Variants in ALDH9A1 observed in about 807,000 individuals in gnomAD.
The protein encoded by ALDH9A1 is aldehyde dehydrogenase 9 family member A1.
In ALDH9A1, 42 loss-of-function variants were observed where a neutral mutation model predicts 56.6. That is an observed-to-expected ratio of 0.74 (90% CI 0.58 to 0.96). The LOEUF (loss-of-function observed/expected upper bound fraction) is 0.96, where lower values mean the gene tolerates loss of function less well. Ranked by LOEUF, ALDH9A1 falls within the 40% of genes least tolerant of loss-of-function variation. ALDH9A1 has a pLI of 0.00. For synonymous variants in ALDH9A1, 242 were observed against 236.0 expected (o/e 1.03, Z -0.23); for missense variants, 661 against 651.5 (o/e 1.01, Z -0.16).
chr1:165,667,208 T>G, intron 9 of ALDH9A1, 101 bp downstream of exon 9: 1 of 1,477,790 alleles, frequency 6.8e-7, no homozygotes, highest in Non-Finnish European at 9.1e-7. Flanking sequence ...ATGGCTCCTA[T>G]GAGGGCAAAC....
At chr1:165,697,396 T>C (rs1479174511) in intron 1 of ALDH9A1, among the ~76,000 whole-genome samples, 1 of 152,258 alleles carries the variant, frequency 6.6e-6, no homozygotes, top group Admixed American at 6.5e-5. Flanking sequence ...AGATTGACCG[T>C]GGTAACCATT....
intron 6 of ALDH9A1, among the ~76,000 whole-genome samples, chr1:165,678,875 G>A (rs1649453686): frequency 6.6e-6 from 1 of 152,136 alleles, no homozygotes; most frequent in South Asian, 2.1e-4. Context: ...TCAACGTCCT[G>A]AAAGACAAGA....
At chr1:165,684,220 C>T (rs1024293309) in intron 2 of ALDH9A1, among the ~76,000 whole-genome samples, 2 of 152,168 alleles carry the variant, frequency 1.3e-5, no homozygotes, top group Admixed American at 6.5e-5. Context: ...ATTCTACATT[C>T]ATTACTAGGG....
Position 165,663,893 on chromosome 1 carries a change from T to C in ALDH9A1, c.1463-749A>G, listed in dbSNP as rs117040842. Among the ~76,000 whole-genome samples, 61 of 152,370 alleles carry C rather than the reference T, an allele frequency of 4.0e-4. 1 individual carries two copies. The East Asian group carries it at 0.011, about 28-fold the overall frequency. On this transcript the variant is annotated intron_variant, in intron 10 of 10. Transcript: ENST00000354775. The stretch of plus-strand genomic sequence containing the variant: ...CTGGTCAGGCCTGTTAGGCCAGGTG[T>C]TGCTCTGCACGTCTGGCCATCTTTC...
intron 5 of ALDH9A1, among the ~76,000 whole-genome samples, 180 bp downstream of exon 5, chr1:165,680,307 C>T (rs764126814): frequency 7.2e-5 from 11 of 152,182 alleles, no homozygotes; most frequent in Non-Finnish European, 1.3e-4. Context: ...ATGTGTACTC[C>T]CTTTCCCCCT....
chr1:165,669,493 A>C lies in ALDH9A1; in HGVS notation c.931-43T>G, dbSNP rs1356518728. On this transcript the variant is annotated intron_variant, in intron 6 of 10. Transcript: ENST00000354775. ...GACATCAATTTCTATGTGTGTAAGGAGAAAAAAGGGAAAAGGAAAAATGAA... is the reference window on the plus strand; with the variant it reads ...GACATCAATTTCTATGTGTGTAAGGCGAAAAAAGGGAAAAGGAAAAATGAA... 4.0e-6 allele frequency: 6 copies of C among 1,501,730 alleles called. No individual in the cohort carries two copies. In the African/African-American group the frequency reaches 8.5e-5, roughly 21 times the overall value. 93.0% of individuals were successfully genotyped at this position (1,501,730 alleles called of 1,614,324 possible). A position where few individuals can be genotyped will look rare whatever the true frequency, so the allele number is the denominator to read the frequency against.
At position 165,680,866 on chromosome 1, in the gene ALDH9A1, C is replaced by T. The variant is rs759980769; in HGVS notation, c.593-183G>A. 1.1e-3 allele frequency among the ~76,000 whole-genome samples: 164 copies of T among 152,262 alleles called. 1 individual carries two copies. Among genetic ancestry groups the T allele is most frequent in the Middle Eastern group, 6.8e-3 (2 of 294 alleles). ...TTCATGCTGCTGATAAAGACATACC[C>T]GAAACTGGGAACAGAAAGAGGCTTA... On this transcript the variant is annotated intron_variant, in intron 4 of 10. Transcript: ENST00000354775.
At chr1:165,680,431 C>T (rs879322619) in intron 5 of ALDH9A1, 56 bp downstream of exon 5, 48 of 1,570,214 alleles carry the variant, frequency 3.1e-5, no homozygotes, top group African/African-American at 1.2e-4. Context: ...TGGGTAGGAC[C>T]GGATTTGCCA....
intron 1 of ALDH9A1, 65 bp downstream of exon 1, chr1:165,698,313 G>T (rs1221761739): frequency 3.3e-6 from 5 of 1,535,740 alleles, no homozygotes; most frequent in South Asian, 2.6e-5. Flanking sequence ...GGAAACGGGG[G>T]CTGGCCGGGA....
intron 6 of ALDH9A1, among the ~76,000 whole-genome samples, chr1:165,677,138 C>T (rs1649388400): frequency 2.6e-5 from 4 of 152,082 alleles, no homozygotes; most frequent in South Asian, 4.1e-4. Flanking sequence ...TTTGGGAGGC[C>T]GAGGCATTTG....
At position 165,669,246 on chromosome 1, in the gene ALDH9A1, G is replaced by A. The variant is rs761127660; in HGVS notation, c.1119+16C>T. 1.9e-6 allele frequency: 3 copies of A among 1,587,758 alleles called. No individual in the cohort carries two copies. The highest frequency in any genetic ancestry group is 2.2e-5 in the East Asian group (1 of 44,606). ...TAATCTTCCCCAACCCCACCCTACT[G>A]CCAATTATTTCTTACCTGCTCCTTT... On this transcript the variant is annotated intron_variant, in intron 7 of 10. Transcript: ENST00000354775.
intron 8 of ALDH9A1, among the ~76,000 whole-genome samples, chr1:165,668,427 T>C (rs1309045987): frequency 2.0e-5 from 3 of 152,148 alleles, no homozygotes; most frequent in Non-Finnish European, 4.4e-5. Context: ...TCTGCTCCCC[T>C]TTCACCTTCC....
intron 8 of ALDH9A1, 191 bp downstream of exon 8, chr1:165,668,735 G>A: frequency 2.2e-6 from 1 of 464,408 alleles, no homozygotes; most frequent in East Asian, 3.5e-5. Context: ...AATACATATG[G>A]GTGCCCTAAA....
At chr1:165,664,785 A>G (rs1324616574) in intron 10 of ALDH9A1, among the ~76,000 whole-genome samples, 1 of 152,232 alleles carries the variant, frequency 6.6e-6, no homozygotes, top group Non-Finnish European at 1.5e-5. Flanking sequence ...GCAGTTCACA[A>G]GCCAGGCTAT....
chr1:165,669,898 T>C (rs1649123934), intron 6 of ALDH9A1, among the ~76,000 whole-genome samples: 1 of 152,034 alleles, frequency 6.6e-6, no homozygotes, highest in African/African-American at 2.4e-5. Flanking sequence ...GACCCTCCTA[T>C]AGAAAGGAAC....
chr1:165,670,443 A>T (rs1649141721), intron 6 of ALDH9A1, among the ~76,000 whole-genome samples: 1 of 152,034 alleles, frequency 6.6e-6, no homozygotes, highest in Non-Finnish European at 1.5e-5. Context: ...TTTTTTTTAA[A>T]AAAAGAGACA....
chr1:165,665,222 A>C (rs1262328629), intron 9 of ALDH9A1, 92 bp from the exon 10 acceptor site: 2 of 900,088 alleles, frequency 2.2e-6, no homozygotes, highest in Non-Finnish European at 3.4e-6. Flanking sequence ...TAGGGTTCTC[A>C]AATCTTACTA....
chr1:165,682,632 A>G (rs1649587436), intron 3 of ALDH9A1, among the ~76,000 whole-genome samples: 1 of 152,108 alleles, frequency 6.6e-6, no homozygotes, highest in African/African-American at 2.4e-5. Context: ...ATTGTTGAAA[A>G]CTTTATACAC....
intron 3 of ALDH9A1, 74 bp downstream of exon 3, chr1:165,682,907 C>A: frequency 2.6e-6 from 4 of 1,516,054 alleles, no homozygotes; most frequent in Admixed American, 4.1e-5. Context: ...ATTCCAAAAT[C>A]TTTGCCCTTC....
Sources: gnomAD v4.1 joint callset for allele counts (sites outside exome capture counted in the v4.1 genomes callset) on GRCh38, gnomAD v4.1.1 for gene constraint, MANE v1.5 for transcripts, NCBI Gene and HGNC (gene_info 2026-07-23, HGNC 2026-07-21) for gene names.